Variants in DHX16 observed in about 807,000 individuals in gnomAD.
DHX16 encodes the protein DEAH-box helicase 16.
Under a neutral mutation model 131.2 loss-of-function variants are expected in DHX16, and 81 were observed. That is an observed-to-expected ratio of 0.62 (90% CI 0.52 to 0.74). The LOEUF (loss-of-function observed/expected upper bound fraction) is 0.74. Among genes scored for constraint, DHX16 ranks in the 30% least tolerant of loss-of-function variants. The pLI, the probability that DHX16 is intolerant of heterozygous loss-of-function variation, is 0.00. For synonymous variants in DHX16, 440 were observed against 520.2 expected (o/e 0.85, Z 2.10); for missense variants, 980 against 1,363.1 (o/e 0.72, Z 4.43).
At position 30,654,815 on chromosome 6, in the gene DHX16, T is replaced by C. The variant is rs1290338295; in HGVS notation, c.2888A>G (p.Lys963Arg). Residue 963 changes from lysine (K) to arginine (R), a missense_variant, in exon 19 of 20, where the codon AAA (lysine) becomes AGA (arginine). Lys to Arg is a conservative substitution (Grantham distance 26, BLOSUM62 2). Around this residue, in one of 3 missense-constraint regions of DHX16, gnomAD observed 214 missense variants for 271.2 expected, o/e 0.79. Coordinates refer to ENST00000376442, the MANE Select transcript of DHX16 (RefSeq NM_003587.5). ...ATGAATGAAGACTGTCTGCTGCTGT[T>C]TCACTGTGCGGTAGCCACTCCGAGT... ...RLTRSGYRTV[K>R]QQQTVFIHPN... 5 of 1,612,910 alleles carry C rather than the reference T, an allele frequency of 3.1e-6. No individual in the cohort carries two copies. The highest frequency in any genetic ancestry group is 4.2e-6 in the Non-Finnish European group (5 of 1,180,034).
rs758159310 is a variant in DHX16, at chr6:30,656,282, G to C, written c.2431-17C>G. On this transcript the variant is annotated splice_polypyrimidine_tract_variant and intron_variant, in intron 15 of 19. Coordinates refer to ENST00000376442, the MANE Select transcript of DHX16 (RefSeq NM_003587.5). The surrounding 1 kb of genome is among the most constrained non-coding windows in gnomAD (Gnocchi z 5.1). The stretch of plus-strand genomic sequence containing the variant: ...TCGACCAGACTAAGGAGAAGAGAGA[G>C]AGAGTTGAGCCCAGTCCTCCCTCAG... 1.3e-4 allele frequency: 202 copies of C among 1,613,958 alleles called. No individual in the cohort carries two copies. The highest frequency in any genetic ancestry group is 1.7e-4 in the Non-Finnish European group (197 of 1,179,972).
intron 12 of DHX16, 86 bp from the exon 13 acceptor site, chr6:30,657,178 A>G (rs1768066920): frequency 7.1e-7 from 1 of 1,404,658 alleles, no homozygotes; most frequent in South Asian, 1.3e-5. Flanking sequence ...GGAGTAGTGA[A>G]GCAGTTGCAG....
At chr6:30,669,370 G>A (rs1769325571) in intron 4 of DHX16, among the ~76,000 whole-genome samples, 1 of 152,066 alleles carries the variant, frequency 6.6e-6, no homozygotes, top group Admixed American at 6.6e-5. Context: ...ACAGGTTGTA[G>A]TGAGCTGAGA....
In DHX16 at chr6:30,665,312, G is replaced by C; in HGVS notation, c.922-38C>G. The C allele has an allele frequency of 6.3e-7, 1 of 1,596,802 alleles. No individual in the cohort carries two copies. On this transcript the variant is annotated intron_variant, in intron 5 of 19. Transcript: ENST00000376442. The surrounding 1 kb of genome is among the most constrained non-coding windows in gnomAD (Gnocchi z 4.8). ...GGGATATGTGAAGACTCAAAAACAG[G>C]ATGTCCTCTCTGCCCTCTCCCCTCT...
chr6:30,657,105 A>T lies in DHX16; in HGVS notation c.2008-13T>A. ...TTGCCACAACCACCTGAGTGATAGG[A>T]TATGGGGTCACCCAGTGACCCCACC... is the stretch of plus-strand genomic sequence containing the variant. On this transcript the variant is annotated splice_polypyrimidine_tract_variant and intron_variant, in intron 12 of 19. Transcript: ENST00000376442. 6.2e-7 allele frequency: 1 copy of T among 1,606,784 alleles called. No homozygotes were observed. The highest frequency in any genetic ancestry group is 8.5e-7 in the Non-Finnish European group (1 of 1,176,732).
chr6:30,653,397 T>C lies in DHX16; in HGVS notation c.2998-27A>G, dbSNP rs532886137. The C allele has an allele frequency of 4.5e-6, 7 of 1,565,384 alleles. No individual in the cohort carries two copies. In the South Asian group the frequency reaches 8.4e-5, roughly 19 times the overall value. ...TAGGAGAGAGAAAAGATCAATGGAG[T>C]TCCCTTCTTTCCAACATAGATCTTT... On this transcript the variant is annotated intron_variant, in intron 19 of 19. Transcript: ENST00000376442.
chr6:30,667,026 T>A (rs1016830921), intron 4 of DHX16, among the ~76,000 whole-genome samples: 3 of 152,024 alleles, frequency 2.0e-5, no homozygotes, highest in African/African-American at 7.3e-5. Flanking sequence ...AAAAGAATAA[T>A]GATGTGAGAT....
chr6:30,658,078 G>A (rs1768143696), intron 12 of DHX16, among the ~76,000 whole-genome samples: 1 of 152,180 alleles, frequency 6.6e-6, no homozygotes, highest in Non-Finnish European at 1.5e-5. Context: ...TTATATCTCT[G>A]CTCAAAATCC....
At position 30,671,494 on chromosome 6, in the gene DHX16, C is replaced by T. The variant is rs563314569; in HGVS notation, c.208-220G>A. Among the ~76,000 whole-genome samples the T allele has an allele frequency of 8.6e-5, 13 of 151,928 alleles. No homozygotes were observed. The South Asian group carries it at 2.3e-3, about 27-fold the overall frequency. On this transcript the variant is annotated intron_variant, in intron 1 of 19. Transcript: ENST00000376442. ...TCCCAAGTAGCTGAGATTACAGGCA[C>T]ATGCCACCACGCCCGACTATTTTTG... is the stretch of plus-strand genomic sequence containing the variant.
Position 30,660,109 on chromosome 6 carries a change from A to C in DHX16, c.1678T>G (p.Phe560Val). 6.2e-7 allele frequency: 1 copy of C among 1,612,594 alleles called. No homozygotes were observed. The highest frequency in any genetic ancestry group is 1.6e-4 in the Middle Eastern group (1 of 6,062). The change falls in exon 10 of 20, where the codon TTT (phenylalanine) becomes GTT (valine). Residue 560 changes from phenylalanine to valine, a missense_variant. Transcript: ENST00000376442. ...GGGGCGTCATCAAAGAAGGTGGAAA[A>C]ACGGGCAGTGTCCATTGTGGCTGAA... ...VASATMDTAR[F>V]STFFDDAPVF...
chr6:30,667,661 A>G (rs1159290011), intron 4 of DHX16, among the ~76,000 whole-genome samples: 3 of 152,160 alleles, frequency 2.0e-5, no homozygotes, highest in Admixed American at 2.0e-4. Flanking sequence ...AGTGGCTTCT[A>G]AAAGCATTTG....
At chr6:30,661,397 GA>G (rs1392018812) in intron 9 of DHX16, among the ~76,000 whole-genome samples, 2 of 151,020 alleles carry the variant, frequency 1.3e-5, no homozygotes, top group Non-Finnish European at 3.0e-5. Flanking sequence ...CGTTTTAAAG[GA>G]AAAAAAAAGT....
At chr6:30,671,386 C>G in intron 1 of DHX16, 112 bp from the exon 2 acceptor site, 2 of 1,006,522 alleles carry the variant, frequency 2.0e-6, no homozygotes, top group Non-Finnish European at 3.0e-6. Context: ...CCCCGCGGCC[C>G]GGCCCCACTG....
Position 30,662,635 on chromosome 6 carries a change from C to T in DHX16, c.1536G>A (p.Ala512=), listed in dbSNP as rs775789726. Residue 512 remains alanine (A), a synonymous_variant, in exon 9 of 20, where the codon GCG becomes GCA. Transcript: ENST00000376442. This position sits in a 1 kb window ranked among gnomAD's most constrained non-coding sequence, Gnocchi z 4.7. Reference sequence around the variant, plus strand: ...CCAGAGATTAGAGATACCTGTAACTCGCCAGGTCAGGCTCAGAGAGGAACT... The same window carrying T: ...CCAGAGATTAGAGATACCTGTAACTTGCCAGGTCAGGCTCAGAGAGGAACT... ...LREFLSEPDL[A]SYSVVMVDEA... The T allele has an allele frequency of 8.7e-6, 14 of 1,612,596 alleles. No homozygotes were observed. The highest frequency in any genetic ancestry group is 4.0e-5 in the African/African-American group (3 of 74,942).
intron 4 of DHX16, among the ~76,000 whole-genome samples, chr6:30,667,946 C>T (rs1384688615): frequency 1.3e-5 from 2 of 152,182 alleles, no homozygotes; most frequent in South Asian, 2.1e-4. Flanking sequence ...GAGAAACAAA[C>T]TTAACATCTA....
chr6:30,654,579 T>C (rs1051538208), intron 19 of DHX16, 127 bp downstream of exon 19: 30 of 949,254 alleles, frequency 3.2e-5, no homozygotes, highest in Middle Eastern at 3.5e-4. Context: ...AAAGGATGTC[T>C]TTCTATTTTA....
rs1767962906 is a variant in DHX16, at chr6:30,656,192, G to A, written c.2498+6C>T. 3 of 1,612,476 alleles carry A rather than the reference G, an allele frequency of 1.9e-6. No homozygotes were observed. The African/African-American group carries it at 4.0e-5, about 22-fold the overall frequency. On this transcript the variant is annotated splice_donor_region_variant and intron_variant, in intron 16 of 19. Transcript: ENST00000376442. This position sits in a 1 kb window ranked among gnomAD's most constrained non-coding sequence, Gnocchi z 5.1. ...GCTGGGGGCCCAGGTGGAGGCGAGG[G>A]CTTACTTCTCAGAGGCTAAGATCAT...
Position 30,656,351 on chromosome 6 carries a change from C to T in DHX16, c.2430+40G>A. On this transcript the variant is annotated intron_variant, in intron 15 of 19. Transcript: ENST00000376442. This position sits in a 1 kb window ranked among gnomAD's most constrained non-coding sequence, Gnocchi z 5.1. ...AGGGGTCCCTGGAGCCATCCTGACC[C>T]CTATCATCCTGCCTCCACCCATGCT... 1 of 1,610,824 alleles carries T rather than the reference C, an allele frequency of 6.2e-7. No homozygotes were observed. Among genetic ancestry groups the T allele is most frequent in the Non-Finnish European group, 8.5e-7 (1 of 1,177,254 alleles).
At chr6:30,668,594 T>G (rs1769249051) in intron 4 of DHX16, among the ~76,000 whole-genome samples, 1 of 151,790 alleles carries the variant, frequency 6.6e-6, no homozygotes, top group Admixed American at 6.6e-5. Flanking sequence ...GAGGTTGCAG[T>G]GAGCCGAGAT....
Sources: allele counts gnomAD v4.1 joint callset (sites outside exome capture counted in the v4.1 genomes callset), GRCh38; gene constraint gnomAD v4.1.1; regional missense constraint gnomAD v4.1.1; non-coding constraint Gnocchi (gnomAD v3.1); transcripts MANE v1.5; gene names NCBI Gene and HGNC (gene_info 2026-07-23, HGNC 2026-07-21).